CD96: variants seen among roughly 807,000 people sequenced by gnomAD.
The protein encoded by CD96 is CD96 molecule.
In CD96, 70 loss-of-function variants were observed where a neutral mutation model predicts 71.3. The ratio of observed to expected loss-of-function variants is 0.98; its 90% CI spans 0.81 to 1.20. The LOEUF is 1.20. Among genes scored for constraint, CD96 ranks in the 50% most tolerant of loss-of-function variants. The pLI, the probability that CD96 is intolerant of heterozygous loss-of-function variation, is 0.00. For missense variants in CD96, 742 were observed against 677.5 expected, an observed-to-expected ratio of 1.10 and a Z score of -1.06; for synonymous variants, 248 against 233.0, an observed-to-expected ratio of 1.06 and a Z score of -0.59.
At chr3:111,544,808 T>G (rs539888902) in intron 1 of CD96, among the ~76,000 whole-genome samples, 10 of 152,306 alleles carry the variant, frequency 6.6e-5, no homozygotes, top group African/African-American at 2.4e-4. Flanking sequence ...GACCAACACA[T>G]AGATAAATAT....
At chr3:111,637,771 T>A (rs1693297949) in intron 11 of CD96, among the ~76,000 whole-genome samples, 1 of 149,198 alleles carries the variant, frequency 6.7e-6, no homozygotes, top group Non-Finnish European at 1.5e-5. Context: ...AGACATCATT[T>A]TGTTGTTTGG....
intron 14 of CD96, among the ~76,000 whole-genome samples, chr3:111,659,742 G>A (rs532306902): frequency 2.6e-5 from 4 of 152,010 alleles, no homozygotes; most frequent in Non-Finnish European, 5.9e-5. Flanking sequence ...CAATAAATAG[G>A]ATTCACCACA....
chr3:111,579,686 C>A (rs1168634948), intron 4 of CD96, among the ~76,000 whole-genome samples: 1 of 152,082 alleles, frequency 6.6e-6, no homozygotes, highest in Non-Finnish European at 1.5e-5. Context: ...TAACTCAGGT[C>A]TCTCTTCCTC....
chr3:111,639,462 G>A (rs903353934), intron 12 of CD96, among the ~76,000 whole-genome samples: 2 of 152,246 alleles, frequency 1.3e-5, no homozygotes, highest in African/African-American at 2.4e-5. Flanking sequence ...ATCCCCAACA[G>A]CAGTGGCAGC....
chr3:111,628,697 A>G (rs976953433), intron 10 of CD96, among the ~76,000 whole-genome samples: 1 of 152,210 alleles, frequency 6.6e-6, no homozygotes, highest in Non-Finnish European at 1.5e-5. Flanking sequence ...GATCATTCCC[A>G]AGACACATAA....
At chr3:111,589,268 G>A (rs1275504910) in intron 5 of CD96, among the ~76,000 whole-genome samples, 1 of 152,046 alleles carries the variant, frequency 6.6e-6, no homozygotes, top group African/African-American at 2.4e-5. Flanking sequence ...TTTTTTATAA[G>A]GATCTCTAAT....
At chr3:111,550,577 A>C (rs1304340356) in intron 2 of CD96, among the ~76,000 whole-genome samples, 1 of 152,058 alleles carries the variant, frequency 6.6e-6, no homozygotes, top group Non-Finnish European at 1.5e-5. Flanking sequence ...CACAAGTAGG[A>C]CTACCCCGAT....
intron 8 of CD96, among the ~76,000 whole-genome samples, chr3:111,620,616 T>A (rs2107703393): frequency 6.6e-6 from 1 of 152,314 alleles, no homozygotes; most frequent in East Asian, 1.9e-4. Flanking sequence ...AAAATTCAGC[T>A]GGAGACCAAT....
At chr3:111,607,192 G>A (rs115887290) in intron 8 of CD96, 1 of 226,688 alleles carries the variant, frequency 4.4e-6, no homozygotes, top group Non-Finnish European at 8.8e-6. Context: ...TTTAAATTCT[G>A]TATTTATTAT....
At chr3:111,580,645 G>T (rs1446617343) in intron 4 of CD96, among the ~76,000 whole-genome samples, 1 of 151,884 alleles carries the variant, frequency 6.6e-6, no homozygotes, top group Admixed American at 6.6e-5. Flanking sequence ...ACACAAAATT[G>T]CCTCCCCCTT....
chr3:111,542,826 G>A (rs531246059), intron 1 of CD96, among the ~76,000 whole-genome samples: 2 of 152,304 alleles, frequency 1.3e-5, no homozygotes, highest in Admixed American at 6.5e-5. Flanking sequence ...ATGAACCTGG[G>A]AGACAAAGTG....
At chr3:111,618,311 T>C (rs6765832) in intron 8 of CD96, among the ~76,000 whole-genome samples, 41,125 of 152,064 alleles carry the variant, frequency 0.27, 6,865 homozygotes, top group African/African-American at 0.48. Flanking sequence ...AAGCAAGACC[T>C]CAAGGATCCC....
At position 111,632,967 on chromosome 3, in the gene CD96, A is replaced by G. The variant is rs112400002; in HGVS notation, c.1322-4229A>G. Among the ~76,000 whole-genome samples, 1,209 of 152,294 alleles carry G rather than the reference A, an allele frequency of 7.9e-3. 19 individuals are homozygous for G. Among genetic ancestry groups the G allele is most frequent in the African/African-American group, 0.027 (1,122 of 41,566 alleles). ...GTGGCACTTTTAGTTGCCTTCAATA[A>G]CTTTTTCTTTGCATTCACAACTTGG... On this transcript the variant is annotated intron_variant, in intron 10 of 13. Transcript: ENST00000352690.
intron 2 of CD96, among the ~76,000 whole-genome samples, chr3:111,552,792 A>T (rs1461187656): frequency 2.0e-5 from 3 of 152,218 alleles, no homozygotes; most frequent in African/African-American, 2.4e-5. Context: ...TATGTTGCTC[A>T]TAACTGACAA....
rs750666809 is a variant in CD96 at position 111,600,960 on chromosome 3, C to A, written c.1087+46C>A. On this transcript the variant is annotated intron_variant, in intron 7 of 13. Transcript: ENST00000352690. ...GATCAACAAGAGTTTGCTAAGACTGCCATAAATTCAAAATATCTTTAATGG... is the reference window on the plus strand; with the variant it reads ...GATCAACAAGAGTTTGCTAAGACTGACATAAATTCAAAATATCTTTAATGG... The A allele has an allele frequency of 3.2e-5, 39 of 1,205,038 alleles. 1 individual carries two copies. Among genetic ancestry groups the A allele is most frequent in the Non-Finnish European group, 4.7e-5 (38 of 811,442 alleles). The allele number at this position is 1,205,038 out of a possible 1,614,324, so 74.6% of individuals were successfully genotyped here. A position where few individuals can be genotyped will look rare whatever the true frequency, so the allele number is the denominator to read the frequency against.
chr3:111,652,712 G>A (rs1940134158), downstream of CD96, among the ~76,000 whole-genome samples: 1 of 152,094 alleles, frequency 6.6e-6, no homozygotes, highest in African/African-American at 2.4e-5. Flanking sequence ...TAGTTCAGAG[G>A]AACTTTTCAC....
At chr3:111,663,454 A>G (rs1316968446) in intron 14 of CD96, among the ~76,000 whole-genome samples, 3 of 152,224 alleles carry the variant, frequency 2.0e-5, no homozygotes, top group Non-Finnish European at 4.4e-5. Flanking sequence ...AAGTTTCTGC[A>G]CAGCAAAAGA....
At chr3:111,644,953 A>C (rs982515892) in intron 12 of CD96, among the ~76,000 whole-genome samples, 1 of 152,222 alleles carries the variant, frequency 6.6e-6, no homozygotes, top group Non-Finnish European at 1.5e-5. Context: ...AACAGTGTGA[A>C]GATTCCTTAA....
intron 7 of CD96, among the ~76,000 whole-genome samples, chr3:111,603,112 T>G (rs1937533892): frequency 6.6e-6 from 1 of 152,054 alleles, no homozygotes; most frequent in South Asian, 2.1e-4. Flanking sequence ...ATTCCCATGA[T>G]CCACAGTAAC....
Sources: allele counts gnomAD v4.1 joint callset (sites outside exome capture counted in the v4.1 genomes callset), GRCh38; gene constraint gnomAD v4.1.1; transcripts MANE v1.5; gene names NCBI Gene and HGNC (gene_info 2026-07-23, HGNC 2026-07-21).